Variants in TRIM34 observed in about 807,000 individuals in gnomAD.
The protein encoded by TRIM34 is E3 ubiquitin-protein ligase TRIM34.
In TRIM34, 41 loss-of-function variants were observed where a neutral mutation model predicts 38.1. That is an observed-to-expected ratio of 1.08 (90% CI 0.84 to 1.40). TRIM34 has a LOEUF of 1.40. Among genes scored for constraint, TRIM34 ranks in the 40% most tolerant of loss-of-function variants. The pLI, the probability that TRIM34 is intolerant of heterozygous loss-of-function variation, is 0.00. For synonymous variants in TRIM34, 200 were observed against 202.5 expected (o/e 0.99, Z 0.10); for missense variants, 556 against 571.4 (o/e 0.97, Z 0.27).
At chr11:5,632,228 T>C (rs753296296) in intron 1 of TRIM34, 27 bp from the exon 2 acceptor site, 15 of 1,568,676 alleles carry the variant, frequency 9.6e-6, no homozygotes, top group Admixed American at 1.9e-5. Flanking sequence ...GTACCATTCT[T>C]ATACCATCCC....
chr11:5,642,280 C>T, intron 5 of TRIM34, 126 bp from the exon 6 acceptor site: 3 of 763,256 alleles, frequency 3.9e-6, no homozygotes, highest in Non-Finnish European at 6.2e-6. Context: ...TCCCTTCTCC[C>T]CCTCCTCAGG....
intron 1 of TRIM34, among the ~76,000 whole-genome samples, chr11:5,628,492 A>T (rs1849338392): frequency 6.6e-6 from 1 of 152,082 alleles, no homozygotes; most frequent in South Asian, 2.1e-4. Context: ...GCTGGATGAC[A>T]CTCGCCAGTC....
intron 4 of TRIM34, among the ~76,000 whole-genome samples, chr11:5,640,038 A>G (rs1849938097): frequency 6.6e-6 from 1 of 152,226 alleles, no homozygotes; most frequent in Non-Finnish European, 1.5e-5. Context: ...ATTGTTGACT[A>G]TAGTCACACT....
chr11:5,635,237 G>A (rs1379655634), intron 4 of TRIM34, among the ~76,000 whole-genome samples: 1 of 150,398 alleles, frequency 6.6e-6, no homozygotes, highest in African/African-American at 2.4e-5. Flanking sequence ...TATTTGTTAT[G>A]CAAATGTTCC....
intron 4 of TRIM34, among the ~76,000 whole-genome samples, 155 bp from the exon 5 acceptor site, chr11:5,641,011 CT>C (rs1437014050): frequency 6.6e-6 from 1 of 151,202 alleles, no homozygotes; most frequent in Non-Finnish European, 1.5e-5. Flanking sequence ...GATTTTTTTT[CT>C]TGGTGTGTCT....
upstream of TRIM34, among the ~76,000 whole-genome samples, chr11:5,623,808 T>A (rs1428061229): frequency 6.6e-6 from 1 of 152,190 alleles, no homozygotes; most frequent in East Asian, 1.9e-4. Context: ...GGGAAAGTTG[T>A]TAAACTTCCA....
intron 1 of TRIM34, among the ~76,000 whole-genome samples, chr11:5,627,475 G>A (rs1164487099): frequency 6.6e-6 from 1 of 152,162 alleles, no homozygotes; most frequent in Non-Finnish European, 1.5e-5. Flanking sequence ...TGGCAGTTGA[G>A]GTGGTTGGAA....
chr11:5,620,796 A>T (rs7936093), upstream of TRIM34, among the ~76,000 whole-genome samples: 47,437 of 151,916 alleles, frequency 0.31, 7,536 homozygotes, highest in African/African-American at 0.37. Context: ...GCTCTGGTAG[A>T]CCTCAGGAAT....
At chr11:5,620,246 C>T (rs1158990480), upstream of TRIM34, among the ~76,000 whole-genome samples, 28 of 128,510 alleles carry the variant, frequency 2.2e-4, no homozygotes, top group Admixed American at 4.9e-4. Flanking sequence ...GGCGGGATCT[C>T]GGCTCACTGC....
Position 5,644,092 on chromosome 11 carries a change from T to C in TRIM34, c.*383T>C. ...ACCACCAACATCAACTAAAGGTTCT[T>C]GGAGGGTATGTCAGTGTGTTGCTCA... is the stretch of plus-strand genomic sequence containing the variant. On this transcript the variant is annotated 3_prime_UTR_variant, in exon 8 of 8. Coordinates refer to ENST00000429814, the MANE Select transcript of TRIM34 (RefSeq NM_021616.6). The C allele has an allele frequency of 2.4e-6, 1 of 411,656 alleles. No homozygotes were observed. Among genetic ancestry groups the C allele is most frequent in the Non-Finnish European group, 4.3e-6 (1 of 234,560 alleles). 25.5% of individuals were successfully genotyped at this position (411,656 alleles called of 1,614,324 possible). A position where few individuals can be genotyped will look rare whatever the true frequency, so the allele number is the denominator to read the frequency against.
rs746601799 is a variant in TRIM34, at chr11:5,643,236, C to G, written c.994C>G (p.Gln332Glu). ...GATATCTGTGCCAATTTGGCCTTTT[C>G]AGTGTTATAATTATGGTGTCTTGGG... The part of the protein sequence containing the change: ...QVISVPIWPF[Q>E]CYNYGVLGSQ... The change falls in exon 8 of 8, where the codon CAG becomes GAG. Residue 332 changes from glutamine to glutamate, a missense_variant. Coordinates refer to ENST00000429814, the MANE Select transcript of TRIM34 (RefSeq NM_021616.6). 5 of 1,613,290 alleles carry G rather than the reference C, an allele frequency of 3.1e-6. No individual in the cohort carries two copies. The highest frequency in any genetic ancestry group is 3.3e-5 in the Admixed American group (2 of 59,924).
chr11:5,641,397 T>C (rs1308942702), intron 5 of TRIM34: 4 of 1,307,580 alleles, frequency 3.1e-6, no homozygotes, highest in Non-Finnish European at 3.0e-6. Context: ...AATTCAGTGG[T>C]TGAAGTTCAG....
chr11:5,639,016 G>A (rs1037934121), intron 4 of TRIM34, among the ~76,000 whole-genome samples: 5 of 152,064 alleles, frequency 3.3e-5, no homozygotes, highest in African/African-American at 1.2e-4. Context: ...CTAGGGTCTG[G>A]GGTCTAGAAA....
chr11:5,640,770 T>C (rs1482768072), intron 4 of TRIM34, among the ~76,000 whole-genome samples: 4 of 152,204 alleles, frequency 2.6e-5, no homozygotes, highest in African/African-American at 9.6e-5. Context: ...TGAAGCCATC[T>C]GGGTGAGGCC....
upstream of TRIM34, among the ~76,000 whole-genome samples, chr11:5,622,743 GC>G (rs1849037882): frequency 6.6e-6 from 1 of 152,204 alleles, no homozygotes; most frequent in Admixed American, 6.5e-5. Context: ...CTCAACACAT[GC>G]TTTAACAAAT....
At chr11:5,624,475 T>C (rs1387831628), upstream of TRIM34, among the ~76,000 whole-genome samples, 1 of 152,150 alleles carries the variant, frequency 6.6e-6, no homozygotes, top group Non-Finnish European at 1.5e-5. Context: ...AAGTGGATCG[T>C]TGGAGCTGAA....
chr11:5,634,497 ACACAC>A (rs1849626827), intron 3 of TRIM34, 129 bp from the exon 4 acceptor site: 1 of 274,242 alleles, frequency 3.6e-6, no homozygotes, highest in Admixed American at 5.2e-5. Flanking sequence ...ATAAATACAC[ACACAC>A]ACACACACAC....
intron 4 of TRIM34, among the ~76,000 whole-genome samples, chr11:5,638,809 A>T (rs75401954): frequency 6.6e-6 from 1 of 152,216 alleles, no homozygotes; most frequent in Non-Finnish European, 1.5e-5. Flanking sequence ...TCACAGTCCA[A>T]TGAGATGCAG....
intron 1 of TRIM34, among the ~76,000 whole-genome samples, chr11:5,630,178 C>G (rs1037588195): frequency 6.6e-6 from 1 of 151,984 alleles, no homozygotes; most frequent in Non-Finnish European, 1.5e-5. Flanking sequence ...AATCCTCTTA[C>G]GGAAAATGAG....
Sources: gnomAD v4.1 joint callset for allele counts (sites outside exome capture counted in the v4.1 genomes callset) on GRCh38, gnomAD v4.1.1 for gene constraint, MANE v1.5 for transcripts, NCBI Gene and HGNC (gene_info 2026-07-23, HGNC 2026-07-21) for gene names.